Variants in GAS7 observed in about 807,000 individuals in gnomAD.
The protein encoded by GAS7 is growth arrest-specific protein 7.
Under a neutral mutation model 71.1 loss-of-function variants are expected in GAS7, and 28 were observed. The ratio of observed to expected loss-of-function variants is 0.39; its 90% CI spans 0.29 to 0.54. The LOEUF (loss-of-function observed/expected upper bound fraction) is 0.54, where lower values mean the gene tolerates loss of function less well. Ranked by LOEUF, GAS7 falls within the 20% of genes least tolerant of loss-of-function variation. The pLI is 0.62. For synonymous variants in GAS7, 258 were observed against 245.8 expected, an observed-to-expected ratio of 1.05 and a Z score of -0.46; for missense variants, 436 against 627.8, an observed-to-expected ratio of 0.69 and a Z score of 3.27.
intron 1 of GAS7, among the ~76,000 whole-genome samples, chr17:10,144,778 G>A (rs566052405): frequency 8.0e-4 from 122 of 152,208 alleles, no homozygotes; most frequent in African/African-American, 2.8e-3. Context: ...GAACTCCTGG[G>A]CTCAAGCAAT....
chr17:9,980,267 T>C (rs1322913458), intron 3 of GAS7, among the ~76,000 whole-genome samples: 1 of 152,196 alleles, frequency 6.6e-6, no homozygotes, highest in Non-Finnish European at 1.5e-5. Context: ...TGCACTTTCA[T>C]GTCTTCAGGT....
At chr17:10,102,188 AAAAG>A (rs1030293294) in intron 1 of GAS7, among the ~76,000 whole-genome samples, 6 of 148,754 alleles carry the variant, frequency 4.0e-5, no homozygotes, top group African/African-American at 1.2e-4. Flanking sequence ...TAGAAGGAAG[AAAAG>A]AAAGAGTGCC....
chr17:10,193,052 A>G (rs538721497), intron 1 of GAS7, among the ~76,000 whole-genome samples: 10 of 152,264 alleles, frequency 6.6e-5, no homozygotes, highest in Non-Finnish European at 8.8e-5. Flanking sequence ...ATTAAAATCA[A>G]TTTGTGTAAT....
chr17:9,940,245 G>C (rs1235606906), intron 7 of GAS7, 45 bp from the exon 8 acceptor site: 9 of 1,475,580 alleles, frequency 6.1e-6, no homozygotes, highest in Non-Finnish European at 6.6e-6. Flanking sequence ...TCCAGTGCCA[G>C]ATCGTGGGTC....
intron 2 of GAS7, among the ~76,000 whole-genome samples, chr17:9,997,090 A>G (rs1427380298): frequency 6.6e-6 from 1 of 152,186 alleles, no homozygotes; most frequent in Non-Finnish European, 1.5e-5. Flanking sequence ...GCGTATGGTA[A>G]AGAGGTGCTT....
chr17:10,064,259 C>T (rs955006084), intron 1 of GAS7, among the ~76,000 whole-genome samples: 1 of 152,138 alleles, frequency 6.6e-6, no homozygotes. Context: ...GTGCCAGAGG[C>T]TGGGGCAGAG....
chr17:10,051,635 G>T (rs190020008), intron 1 of GAS7, among the ~76,000 whole-genome samples: 125 of 152,274 alleles, frequency 8.2e-4, no homozygotes, highest in South Asian at 6.6e-3. Context: ...CAAAGCTGCT[G>T]GGGTAAATGA....
At chr17:10,178,514 C>T (rs1301960666) in intron 1 of GAS7, among the ~76,000 whole-genome samples, 1 of 152,034 alleles carries the variant, frequency 6.6e-6, no homozygotes, top group Non-Finnish European at 1.5e-5. Context: ...GCCACGCCCA[C>T]CACAGGGCTC....
At chr17:9,929,387 G>A (rs1334326996) in intron 9 of GAS7, among the ~76,000 whole-genome samples, 1 of 152,226 alleles carries the variant, frequency 6.6e-6, no homozygotes, top group Non-Finnish European at 1.5e-5. Flanking sequence ...TTCTGGAAGC[G>A]TGACGCTGCT....
At chr17:9,945,610 G>T (rs2152096633) in intron 6 of GAS7, among the ~76,000 whole-genome samples, 1 of 151,888 alleles carries the variant, frequency 6.6e-6, no homozygotes, top group South Asian at 2.1e-4. Flanking sequence ...ATCTTCTAAG[G>T]TACAAGCGAT....
chr17:9,935,270 G>C (rs1040715257), intron 8 of GAS7, among the ~76,000 whole-genome samples: 2 of 152,186 alleles, frequency 1.3e-5, no homozygotes, highest in African/African-American at 4.8e-5. Context: ...TACTAGAGAA[G>C]GGCCAAGTCC....
chr17:9,928,104 A>AT, intron 9 of GAS7, among the ~76,000 whole-genome samples: 1 of 150,448 alleles, frequency 6.6e-6, no homozygotes, highest in African/African-American at 2.4e-5. Context: ...ACATTTATTT[A>AT]TTTTTTATTT....
chr17:9,927,505 C>T (rs533628345), intron 9 of GAS7, among the ~76,000 whole-genome samples: 1 of 151,226 alleles, frequency 6.6e-6, no homozygotes, highest in African/African-American at 2.4e-5. Context: ...AACAAACAAA[C>T]AAAAAACAAT....
chr17:9,952,170 C>T (rs78689804), intron 5 of GAS7, among the ~76,000 whole-genome samples: 427 of 152,316 alleles, frequency 2.8e-3, no homozygotes, highest in African/African-American at 9.6e-3. Context: ...CCCCCACTGT[C>T]TGATTCAGGA....
At chr17:9,942,220 C>T (rs552486462) in intron 7 of GAS7, among the ~76,000 whole-genome samples, 31 of 151,842 alleles carry the variant, frequency 2.0e-4, no homozygotes, top group African/African-American at 7.3e-4. Context: ...CGCAACTACA[C>T]TCCAGCCTGG....
At chr17:10,077,049 C>A (rs530118456) in intron 1 of GAS7, among the ~76,000 whole-genome samples, 3 of 152,232 alleles carry the variant, frequency 2.0e-5, no homozygotes, top group Admixed American at 6.5e-5. Context: ...TTGCTTTGGC[C>A]ACTTCTTTGG....
intron 2 of GAS7, among the ~76,000 whole-genome samples, chr17:9,996,038 C>T (rs1414684962): frequency 6.6e-6 from 1 of 152,206 alleles, no homozygotes; most frequent in Admixed American, 6.5e-5. Context: ...AAAGAATACA[C>T]ATGAAGCATT....
At chr17:9,962,562 C>T (rs1440956555) in intron 4 of GAS7, among the ~76,000 whole-genome samples, 1 of 152,226 alleles carries the variant, frequency 6.6e-6, no homozygotes, top group Non-Finnish European at 1.5e-5. Flanking sequence ...AACTAACTAA[C>T]TCCAAAGGGG....
In GAS7 at chr17:9,981,338, C is replaced by G. The variant is rs1444145104; in HGVS notation, c.385+466G>C. 2.0e-5 allele frequency among the ~76,000 whole-genome samples: 3 copies of G among 152,002 alleles called. No homozygotes were observed. In the East Asian group the frequency reaches 5.8e-4, roughly 30 times the overall value. ...CAAAAAAGAACGTCCATCTCAACTG[C>G]CTCTGCTTGATTACCTTTGCAGATG... On this transcript the variant is annotated intron_variant, in intron 3 of 13. Transcript: ENST00000432992. The surrounding 1 kb of genome is among the most constrained non-coding windows in gnomAD (Gnocchi z 4.4).
Sources: allele counts gnomAD v4.1 joint callset (sites outside exome capture counted in the v4.1 genomes callset), GRCh38; gene constraint gnomAD v4.1.1; non-coding constraint Gnocchi (gnomAD v3.1); transcripts MANE v1.5; gene names NCBI Gene and HGNC (gene_info 2026-07-23, HGNC 2026-07-21).